Variants in BNC2 observed in about 807,000 individuals in gnomAD.
BNC2 encodes zinc finger protein basonuclin-2.
BNC2 carries 20 observed loss-of-function variants against 76.3 expected under a neutral mutation model. The ratio of observed to expected loss-of-function variants is 0.26; its 90% CI spans 0.18 to 0.38. BNC2 has a LOEUF of 0.38. BNC2 is among the 10% of genes least tolerant of loss of function. The probability of loss-of-function intolerance (pLI) is 1.00; values close to 1 mark genes in which losing one functional copy is unlikely to be tolerated. For synonymous variants in BNC2, 582 were observed against 514.8 expected (o/e 1.13, Z -1.77); for missense variants, 1,382 against 1,399.8 (o/e 0.99, Z 0.20).
intron 3 of BNC2, among the ~76,000 whole-genome samples, chr9:16,641,056 G>C (rs554419474): frequency 6.6e-6 from 1 of 152,262 alleles, no homozygotes; most frequent in South Asian, 2.1e-4. Flanking sequence ...AATGCTCACA[G>C]AGAAATGCAT....
chr9:16,535,488 C>G (rs1026396834), intron 5 of BNC2, among the ~76,000 whole-genome samples: 1 of 152,030 alleles, frequency 6.6e-6, no homozygotes, highest in Non-Finnish European at 1.5e-5. Flanking sequence ...TTTTTTCTCC[C>G]TCATCTAGTG....
intron 1 of BNC2, among the ~76,000 whole-genome samples, chr9:16,786,691 G>T (rs1826303425): frequency 6.6e-6 from 1 of 152,154 alleles, no homozygotes; most frequent in Non-Finnish European, 1.5e-5. Context: ...CAGAAAGGGG[G>T]AGAGGCCCTG....
intron 1 of BNC2, among the ~76,000 whole-genome samples, chr9:16,739,458 C>A (rs1824777837): frequency 6.6e-6 from 1 of 152,192 alleles, no homozygotes; most frequent in African/African-American, 2.4e-5. Flanking sequence ...AACCTAAAGT[C>A]AGGAGTTCGA....
At chr9:16,740,552 G>A (rs1410754627) in intron 1 of BNC2, among the ~76,000 whole-genome samples, 1 of 152,190 alleles carries the variant, frequency 6.6e-6, no homozygotes, top group Non-Finnish European at 1.5e-5. Context: ...GAGTTAAGAA[G>A]TAAGCAAATT....
intron 5 of BNC2, among the ~76,000 whole-genome samples, chr9:16,529,097 T>C (rs190324747): frequency 7.7e-4 from 117 of 152,330 alleles, no homozygotes; most frequent in African/African-American, 2.6e-3. Context: ...TGTAATCTCC[T>C]AATATCTTAC....
At chr9:16,667,824 T>C (rs1310477201) in intron 3 of BNC2, among the ~76,000 whole-genome samples, 2 of 152,208 alleles carry the variant, frequency 1.3e-5, no homozygotes, top group African/African-American at 4.8e-5. Flanking sequence ...AACACAACTT[T>C]ATTCTTGCCC....
intron 3 of BNC2, among the ~76,000 whole-genome samples, chr9:16,587,630 T>C (rs972207151): frequency 6.6e-6 from 1 of 152,144 alleles, no homozygotes; most frequent in Non-Finnish European, 1.5e-5. Flanking sequence ...TGCTATTTGC[T>C]TGACTGAGGT....
chr9:16,508,826 T>TTTG (rs1822689988), intron 5 of BNC2, among the ~76,000 whole-genome samples: 1 of 151,354 alleles, frequency 6.6e-6, no homozygotes, highest in Admixed American at 6.6e-5. Context: ...CACATCTTTT[T>TTTG]TTTTTTTTCT....
At chr9:16,589,711 T>C (rs1563852817) in intron 3 of BNC2, among the ~76,000 whole-genome samples, 2 of 151,972 alleles carry the variant, frequency 1.3e-5, no homozygotes, top group South Asian at 2.1e-4. Flanking sequence ...GGTTTCACCA[T>C]GTTGGTCAGG....
chr9:16,413,056 T>C lies in BNC2; in HGVS notation c.*5933A>G, dbSNP rs574864912. 33 of 152,760 alleles carry C rather than the reference T, an allele frequency of 2.2e-4. 1 individual carries two copies. The highest frequency in any genetic ancestry group is 7.9e-4 in the African/African-American group (33 of 41,578). The allele number at this position is 152,760 out of a possible 1,614,324, so 9.5% of individuals were successfully genotyped here. A position where few individuals can be genotyped will look rare whatever the true frequency, so the allele number is the denominator to read the frequency against. ...GAAGGTAATAAAGTGACAAGTATGT[T>C]ATTAGAAAGATACGAGGTGAAATTG... On this transcript the variant is annotated 3_prime_UTR_variant, in exon 7 of 7. Coordinates refer to ENST00000380672, the MANE Select transcript of BNC2 (RefSeq NM_017637.6).
intron 3 of BNC2, among the ~76,000 whole-genome samples, chr9:16,701,803 G>A (rs376425580): frequency 9.7e-4 from 148 of 151,962 alleles, no homozygotes; most frequent in African/African-American, 3.3e-3. Flanking sequence ...TTAGCCAGGC[G>A]TGGTGGCAGG....
chr9:16,688,371 A>T (rs1399490402), intron 3 of BNC2, among the ~76,000 whole-genome samples: 2 of 152,200 alleles, frequency 1.3e-5, no homozygotes, highest in African/African-American at 4.8e-5. Context: ...GCAATCAAAA[A>T]ATGATTGAAG....
At chr9:16,430,922 A>G (rs976458546) in intron 6 of BNC2, among the ~76,000 whole-genome samples, 2 of 152,230 alleles carry the variant, frequency 1.3e-5, no homozygotes, top group African/African-American at 4.8e-5. Flanking sequence ...AATCACCCTC[A>G]GCAAATATAA....
intron 5 of BNC2, among the ~76,000 whole-genome samples, chr9:16,442,958 A>T (rs139100330): frequency 0.024 from 3,687 of 151,478 alleles, 124 homozygotes; most frequent in East Asian, 0.12. Context: ...ATACAAAAAA[A>T]TTAGCCAGGT....
At chr9:16,849,446 C>T (rs1025542952) in intron 1 of BNC2, among the ~76,000 whole-genome samples, 1 of 149,188 alleles carries the variant, frequency 6.7e-6, no homozygotes. Context: ...GCAACCTCCA[C>T]CTCCCAAGTT....
chr9:16,709,092 C>T (rs1455798257), intron 3 of BNC2, among the ~76,000 whole-genome samples: 5 of 152,196 alleles, frequency 3.3e-5, no homozygotes, highest in African/African-American at 1.2e-4. Context: ...TAGGGAAAGC[C>T]TGTCAGCCAG....
chr9:16,791,409 G>C (rs1279465737), intron 1 of BNC2, among the ~76,000 whole-genome samples: 1 of 152,098 alleles, frequency 6.6e-6, no homozygotes, highest in Non-Finnish European at 1.5e-5. Context: ...ACTGTGTTGA[G>C]GGACTAGTAT....
rs117790829 is a variant in BNC2 at position 16,634,135 on chromosome 9, T to C, written c.331-51050A>G. 8.4e-3 allele frequency among the ~76,000 whole-genome samples: 1,279 copies of C among 152,344 alleles called. 9 individuals carry two copies. Among genetic ancestry groups the C allele is most frequent in the Non-Finnish European group, 0.012 (833 of 68,026 alleles). On this transcript the variant is annotated intron_variant, in intron 3 of 6. Coordinates refer to ENST00000380672, the MANE Select transcript of BNC2 (RefSeq NM_017637.6). ...TCCCGTGTTCTGACAGGACTATTTA[T>C]ATGAATAATATTCCCCAATTGCAAT...
At chr9:16,770,654 T>A (rs1825808885) in intron 1 of BNC2, among the ~76,000 whole-genome samples, 1 of 2,672 alleles carries the variant, frequency 3.7e-4, no homozygotes, top group South Asian at 3.6e-3. Context: ...ATTCAAGAAT[T>A]TTTTTTTTTT....
Sources: gnomAD v4.1 joint callset for allele counts (sites outside exome capture counted in the v4.1 genomes callset) on GRCh38, gnomAD v4.1.1 for gene constraint, MANE v1.5 for transcripts, NCBI Gene and HGNC (gene_info 2026-07-23, HGNC 2026-07-21) for gene names.